Variants in GRAMD1B observed in about 807,000 individuals in gnomAD.
GRAMD1B encodes the protein protein Aster-B.
A neutral mutation model predicts 99.7 loss-of-function variants in GRAMD1B; 37 were observed. The ratio of observed to expected loss-of-function variants is 0.37; its 90% CI spans 0.29 to 0.49. GRAMD1B has a LOEUF of 0.49. GRAMD1B is among the 20% of genes least tolerant of loss of function. The pLI, the probability that GRAMD1B is intolerant of heterozygous loss-of-function variation, is 0.98. For synonymous variants in GRAMD1B, 427 were observed against 387.6 expected (o/e 1.10, Z -1.19); for missense variants, 888 against 1,009.2 (o/e 0.88, Z 1.63).
chr11:123,581,124 C>T (rs777409580), intron 3 of GRAMD1B, among the ~76,000 whole-genome samples: 3 of 152,138 alleles, frequency 2.0e-5, no homozygotes, highest in Non-Finnish European at 4.4e-5. Context: ...TCCCAGTAAC[C>T]TGGGTCTGTT....
rs1955572231 is a variant in GRAMD1B at position 123,627,680 on chromosome 11, C to G, written c.*5085C>G. 1 of 152,280 alleles carries G rather than the reference C, an allele frequency of 6.6e-6. No homozygotes were observed. Among genetic ancestry groups the G allele is most frequent in the Non-Finnish European group, 1.5e-5 (1 of 68,058 alleles). The allele number at this position is 152,280 out of a possible 1,614,324, so 9.4% of individuals were successfully genotyped here. A position where few individuals can be genotyped will look rare whatever the true frequency, so the allele number is the denominator to read the frequency against. ...CTTACTGCTAGTACCTAGAAACACACAAGGCTGCCCAGCCAAATCTTAATG... is the reference window on the plus strand; with the variant it reads ...CTTACTGCTAGTACCTAGAAACACAGAAGGCTGCCCAGCCAAATCTTAATG... On this transcript the variant is annotated 3_prime_UTR_variant, in exon 20 of 20. Transcript: ENST00000635736.
intron 1 of GRAMD1B, among the ~76,000 whole-genome samples, chr11:123,395,876 G>C (rs1591424883): frequency 6.6e-6 from 1 of 152,178 alleles, no homozygotes; most frequent in African/African-American, 2.4e-5. Flanking sequence ...TGTGAAATAG[G>C]ATCTCCTTTT....
chr11:123,563,535 A>G (rs1947027035), intron 2 of GRAMD1B, among the ~76,000 whole-genome samples: 1 of 150,372 alleles, frequency 6.7e-6, no homozygotes, highest in African/African-American at 2.5e-5. Context: ...TTTTTGAGGC[A>G]AGGCCTCACT....
intron 1 of GRAMD1B, among the ~76,000 whole-genome samples, chr11:123,447,773 G>A (rs1309195580): frequency 6.6e-6 from 1 of 152,184 alleles, no homozygotes; most frequent in East Asian, 1.9e-4. Flanking sequence ...TATCTATGAG[G>A]CCTCCAAGTC....
In GRAMD1B at chr11:123,430,903, G is replaced by C; in HGVS notation, c.111G>C (p.Thr37=). Reference sequence around the variant, plus strand: ...TCTGGTCCAGTTCGTCGACCCCCACGCTTCGCCGCCGGCGCTTCAAGATGC... The same window carrying C: ...TCTGGTCCAGTTCGTCGACCCCCACCCTTCGCCGCCGGCGCTTCAAGATGC... ...SPVWSSSSTP[T]LRRRRFKMRR... The change falls in exon 1 of 20, where the codon ACG becomes ACC. Residue 37 remains threonine, a synonymous_variant. Transcript: ENST00000635736. 1.4e-6 allele frequency: 1 copy of C among 702,670 alleles called. No homozygotes were observed. The allele number at this position is 702,670 out of a possible 1,614,324, so 43.5% of individuals were successfully genotyped here.
chr11:123,621,445 C>T (rs1293959255), intron 19 of GRAMD1B, among the ~76,000 whole-genome samples: 1 of 152,102 alleles, frequency 6.6e-6, no homozygotes, highest in Non-Finnish European at 1.5e-5. Context: ...TGCATGGTGC[C>T]CCTGGGTGCA....
At chr11:123,586,506 G>A (rs1950091161) in intron 4 of GRAMD1B, among the ~76,000 whole-genome samples, 1 of 152,206 alleles carries the variant, frequency 6.6e-6, no homozygotes, top group African/African-American at 2.4e-5. Context: ...GTGTGGGGCG[G>A]TCCTCTCCTG....
At chr11:123,407,345 T>C (rs558894565) in intron 1 of GRAMD1B, among the ~76,000 whole-genome samples, 3 of 152,298 alleles carry the variant, frequency 2.0e-5, no homozygotes, top group South Asian at 4.1e-4. Flanking sequence ...AGCTTCCGTT[T>C]TGGCTTCTTG....
At chr11:123,423,815 G>A (rs1041506058) in intron 1 of GRAMD1B, among the ~76,000 whole-genome samples, 7 of 152,166 alleles carry the variant, frequency 4.6e-5, no homozygotes, top group African/African-American at 1.7e-4. Context: ...AAGTCACCTT[G>A]TAAAATCTCT....
chr11:123,606,727 C>T lies in GRAMD1B; in HGVS notation c.1442C>T (p.Pro481Leu). 1 of 1,613,186 alleles carries T rather than the reference C, an allele frequency of 6.2e-7. No individual in the cohort carries two copies. Among genetic ancestry groups the T allele is most frequent in the South Asian group, 1.1e-5 (1 of 90,990 alleles). ...KIEMIAPVNS[P>L]SLDFNDNEDI... Reference sequence around the variant, plus strand: ...GAGATGATCGCTCCTGTGAACTCCCCTTCACTGGACTTCAATGACAATGAG... The same window carrying T: ...GAGATGATCGCTCCTGTGAACTCCCTTTCACTGGACTTCAATGACAATGAG... Residue 481 changes from proline (P) to leucine (L), a missense_variant, in exon 11 of 20, where the codon CCT becomes CTT. Coordinates refer to ENST00000635736, the MANE Select transcript of GRAMD1B (RefSeq NM_001387025.1).
chr11:123,387,105 G>C (rs917420643), intron 1 of GRAMD1B, among the ~76,000 whole-genome samples: 35 of 152,166 alleles, frequency 2.3e-4, no homozygotes, highest in Admixed American at 1.4e-3. Context: ...ATTATTTTCA[G>C]AAAGGAGGTG....
intron 2 of GRAMD1B, among the ~76,000 whole-genome samples, chr11:123,521,133 T>C (rs1390851410): frequency 1.3e-5 from 2 of 152,216 alleles, no homozygotes; most frequent in African/African-American, 4.8e-5. Flanking sequence ...ATCATCCAAC[T>C]TTATTACATA....
intron 2 of GRAMD1B, among the ~76,000 whole-genome samples, chr11:123,552,383 T>C (rs1052722766): frequency 1.3e-5 from 2 of 150,654 alleles, no homozygotes; most frequent in African/African-American, 4.9e-5. Flanking sequence ...CCTCCAATGC[T>C]CCTGCCTCAG....
At chr11:123,405,942 G>C (rs1290597792) in intron 1 of GRAMD1B, among the ~76,000 whole-genome samples, 1 of 151,902 alleles carries the variant, frequency 6.6e-6, no homozygotes, top group Non-Finnish European at 1.5e-5. Context: ...ACACTTGTTT[G>C]CATGTGCATG....
intron 1 of GRAMD1B, among the ~76,000 whole-genome samples, chr11:123,463,708 C>T (rs1008162357): frequency 2.6e-5 from 4 of 152,156 alleles, no homozygotes; most frequent in African/African-American, 9.7e-5. Context: ...AAGGGACAGG[C>T]CTCTGTGTGA....
intron 2 of GRAMD1B, among the ~76,000 whole-genome samples, chr11:123,547,975 G>A (rs1325865553): frequency 6.6e-6 from 1 of 152,106 alleles, no homozygotes; most frequent in African/African-American, 2.4e-5. Context: ...TCCTTGCCAA[G>A]GGTCAGGGGC....
chr11:123,552,073 T>A (rs766198809), intron 2 of GRAMD1B, among the ~76,000 whole-genome samples: 2 of 152,182 alleles, frequency 1.3e-5, no homozygotes, highest in African/African-American at 4.8e-5. Flanking sequence ...GGAGGCTTAA[T>A]GTCCTGATCA....
chr11:123,606,539 C>A, intron 10 of GRAMD1B, 70 bp from the exon 11 acceptor site: 1 of 1,401,604 alleles, frequency 7.1e-7, no homozygotes, highest in Non-Finnish European at 9.8e-7. Flanking sequence ...GGCTGCATCC[C>A]TAATCTCCCT....
intron 2 of GRAMD1B, among the ~76,000 whole-genome samples, chr11:123,546,008 G>A (rs1945011496): frequency 2.6e-5 from 4 of 152,228 alleles, no homozygotes; most frequent in South Asian, 2.1e-4. Context: ...CCACCACCAG[G>A]CAATGTGGAC....
Sources: gnomAD v4.1 joint callset for allele counts (sites outside exome capture counted in the v4.1 genomes callset) on GRCh38, gnomAD v4.1.1 for gene constraint, MANE v1.5 for transcripts, NCBI Gene and HGNC (gene_info 2026-07-23, HGNC 2026-07-21) for gene names.